The following NPAS2 variants were observed in gnomAD, a reference collection of about 807,000 sequenced individuals.
NPAS2 encodes the protein neuronal PAS domain-containing protein 2.
Under a neutral mutation model 107.5 loss-of-function variants are expected in NPAS2, and 23 were observed. The ratio of observed to expected loss-of-function variants is 0.21; its 90% CI spans 0.15 to 0.30. The LOEUF (loss-of-function observed/expected upper bound fraction) is 0.30, where lower values mean the gene tolerates loss of function less well. Ranked by LOEUF, NPAS2 falls within the 10% of genes least tolerant of loss-of-function variation. The probability of loss-of-function intolerance (pLI) is 1.00; values close to 1 mark genes in which losing one functional copy is unlikely to be tolerated. For synonymous variants in NPAS2, 403 were observed against 417.5 expected (o/e 0.97, Z 0.42); for missense variants, 756 against 1,043.3 (o/e 0.72, Z 3.79).
chr2:100,973,125 G>A (rs1214695515), intron 12 of NPAS2, among the ~76,000 whole-genome samples: 2 of 151,992 alleles, frequency 1.3e-5, no homozygotes, highest in African/African-American at 2.4e-5. Context: ...GTTGCAGTGA[G>A]CCGAGATTGC....
intron 2 of NPAS2, among the ~76,000 whole-genome samples, chr2:100,908,020 G>A (rs1682279768): frequency 6.6e-6 from 1 of 152,122 alleles, no homozygotes. Flanking sequence ...CAGTGTTGTA[G>A]GGTGTGTGTG....
chr2:100,866,350 G>A (rs566248024), intron 1 of NPAS2, among the ~76,000 whole-genome samples: 3 of 152,302 alleles, frequency 2.0e-5, no homozygotes, highest in Non-Finnish European at 4.4e-5. Context: ...GAGAAGTAGA[G>A]CTAAGTTCAC....
intron 1 of NPAS2, among the ~76,000 whole-genome samples, chr2:100,841,075 C>T (rs374901089): frequency 3.9e-5 from 6 of 152,240 alleles, no homozygotes; most frequent in African/African-American, 1.4e-4. Flanking sequence ...ACGGAGACAA[C>T]ATATGCAAAG....
chr2:100,909,622 C>T (rs1244105013), intron 2 of NPAS2, among the ~76,000 whole-genome samples: 1 of 152,112 alleles, frequency 6.6e-6, no homozygotes, highest in Non-Finnish European at 1.5e-5. Context: ...GCCTGTCGTG[C>T]TAATTTTGCT....
At chr2:100,942,076 T>G (rs895858758) in intron 5 of NPAS2, among the ~76,000 whole-genome samples, 1 of 152,144 alleles carries the variant, frequency 6.6e-6, no homozygotes, top group Non-Finnish European at 1.5e-5. Context: ...GAGAACTATG[T>G]GCATGGATAA....
rs779635740 is a variant in NPAS2 at position 100,927,483 on chromosome 2, C to T, written c.181+2189C>T. 3.2e-4 allele frequency among the ~76,000 whole-genome samples: 49 copies of T among 152,202 alleles called. 1 individual carries two copies. The highest frequency in any genetic ancestry group is 4.4e-4 in the Non-Finnish European group (30 of 68,040). ...AAAGCAGACACAGCCAGGGAACCAA[C>T]GACCCAGGTCAAGAAATAGAAGCTC... On this transcript the variant is annotated intron_variant, in intron 3 of 20. Coordinates refer to ENST00000335681, the MANE Select transcript of NPAS2 (RefSeq NM_002518.4).
chr2:100,968,130 G>C lies in NPAS2; in HGVS notation c.908-151G>C. On this transcript the variant is annotated intron_variant, in intron 10 of 20. Coordinates refer to ENST00000335681, the MANE Select transcript of NPAS2 (RefSeq NM_002518.4). The surrounding 1 kb of genome is among the most constrained non-coding windows in gnomAD (Gnocchi z 5.3). The stretch of plus-strand genomic sequence containing the variant: ...ATTCACGACAGTGTACCGTGATCCT[G>C]ACAGTCACTTAAAATACAGGGCAAC... 1.4e-6 allele frequency: 1 copy of C among 734,076 alleles called. No individual in the cohort carries two copies. The highest frequency in any genetic ancestry group is 1.8e-5 in the South Asian group (1 of 55,570). The allele number at this position is 734,076 out of a possible 1,614,324, so 45.5% of individuals were successfully genotyped here.
At position 100,925,295 on chromosome 2, in the gene NPAS2, G is replaced by A; in HGVS notation, c.181+1G>A. The A allele has an allele frequency of 6.2e-7, 1 of 1,613,922 alleles. No homozygotes were observed. ...ATCGGATTTTTGCAGAAACACAATG[G>A]TAAAGGTCACCCTTCTCTCTGTTTT... On this transcript the variant is annotated splice_donor_variant, in intron 3 of 20. Transcript: ENST00000335681. LOFTEE classifies it high-confidence loss of function.
At chr2:100,860,593 T>C (rs910095094) in intron 1 of NPAS2, among the ~76,000 whole-genome samples, 2 of 152,142 alleles carry the variant, frequency 1.3e-5, no homozygotes, top group Non-Finnish European at 2.9e-5. Flanking sequence ...CTTCTACGTG[T>C]GTTAGTTGGC....
intron 1 of NPAS2, among the ~76,000 whole-genome samples, chr2:100,849,335 C>A (rs1469203640): frequency 6.6e-6 from 1 of 152,122 alleles, no homozygotes; most frequent in East Asian, 1.9e-4. Flanking sequence ...AATTGTGACA[C>A]CAATAAATCC....
chr2:100,992,552 C>G (rs1272649498), intron 19 of NPAS2, among the ~76,000 whole-genome samples: 1 of 152,202 alleles, frequency 6.6e-6, no homozygotes, highest in Non-Finnish European at 1.5e-5. Context: ...TGTAGCCCCT[C>G]CCCCTCGTTC....
At chr2:100,981,185 G>A (rs112501910) in intron 15 of NPAS2, among the ~76,000 whole-genome samples, 3 of 152,172 alleles carry the variant, frequency 2.0e-5, no homozygotes, top group African/African-American at 7.2e-5. Context: ...GTGTCTGGGA[G>A]GTCAAAGGGC....
intron 1 of NPAS2, among the ~76,000 whole-genome samples, chr2:100,858,929 C>T (rs565525028): frequency 6.6e-6 from 1 of 152,186 alleles, no homozygotes; most frequent in Non-Finnish European, 1.5e-5. Context: ...GTTGCATAAT[C>T]AACGCCTCAA....
At chr2:100,946,368 C>G (rs928688722) in intron 5 of NPAS2, among the ~76,000 whole-genome samples, 3 of 151,234 alleles carry the variant, frequency 2.0e-5, no homozygotes, top group Non-Finnish European at 4.4e-5. Flanking sequence ...GAGGGTGTCA[C>G]CTGGGGCTTT....
At chr2:100,961,805 A>G (rs770790306) in intron 7 of NPAS2, among the ~76,000 whole-genome samples, 1 of 152,216 alleles carries the variant, frequency 6.6e-6, no homozygotes, top group Non-Finnish European at 1.5e-5. Flanking sequence ...TAACAGCTGA[A>G]AGATCGTTCA....
chr2:100,891,336 T>G (rs529497345), intron 1 of NPAS2, among the ~76,000 whole-genome samples: 1 of 152,074 alleles, frequency 6.6e-6, no homozygotes, highest in African/African-American at 2.4e-5. Flanking sequence ...CATGACCACG[T>G]GACCTGCAGC....
In NPAS2 at chr2:100,896,052, CAGTT is replaced by C. The variant is rs1681392365; in HGVS notation, c.-22-8678_-22-8675del. Among the ~76,000 whole-genome samples the C allele has an allele frequency of 7.2e-5, 11 of 152,262 alleles. 2 individuals are homozygous for C. Among genetic ancestry groups the C allele is most frequent in the African/African-American group, 2.4e-4 (10 of 41,546 alleles). On this transcript the variant is annotated intron_variant, in intron 1 of 20. Transcript: ENST00000335681. ...CACAGTGTGAACAGAAGGGGTAGGA[CAGTT>C]AGGTGGGGCAGGTGTGCAATGAATG... is the stretch of plus-strand genomic sequence containing the variant.
chr2:100,825,877 T>G (rs1356756676), intron 1 of NPAS2, among the ~76,000 whole-genome samples: 2 of 152,126 alleles, frequency 1.3e-5, no homozygotes, highest in Non-Finnish European at 2.9e-5. Flanking sequence ...TCAGCTGACC[T>G]GCGGAAGAAT....
At position 100,853,974 on chromosome 2, in the gene NPAS2, CAAAAAAAA is replaced by C. The variant is rs5832937; in HGVS notation, c.-23+33570_-23+33577del. Among the ~76,000 whole-genome samples, 225 of 116,242 alleles carry C rather than the reference CAAAAAAAA, an allele frequency of 1.9e-3. 1 individual carries two copies. Among genetic ancestry groups the C allele is most frequent in the African/African-American group, 7.3e-3 (218 of 29,918 alleles). The allele number at this position is 116,242 out of a possible 152,430, so 76.3% of individuals were successfully genotyped here. On this transcript the variant is annotated intron_variant, in intron 1 of 20. Transcript: ENST00000335681. The stretch of plus-strand genomic sequence containing the variant: ...GCAGGAAGATGGCTTCAGCCCACGA[CAAAAAAAA>C]AAAAAAAAACACAAAAAATTAGCAG...
Sources: gnomAD v4.1 joint callset for allele counts (sites outside exome capture counted in the v4.1 genomes callset) on GRCh38, gnomAD v4.1.1 for gene constraint, Gnocchi (gnomAD v3.1) non-coding constraint, MANE v1.5 for transcripts, NCBI Gene and HGNC (gene_info 2026-07-23, HGNC 2026-07-21) for gene names.